SORT1: variants seen among roughly 807,000 people sequenced by gnomAD.
SORT1 encodes the protein sortilin.
A neutral mutation model predicts 101.7 loss-of-function variants in SORT1; 39 were observed. That is an observed-to-expected ratio of 0.38 (90% confidence interval 0.30 to 0.50). The LOEUF is 0.50. Ranked by LOEUF, SORT1 falls within the 20% of genes least tolerant of loss-of-function variation. The pLI, the probability that SORT1 is intolerant of heterozygous loss-of-function variation, is 0.90. For missense variants in SORT1, 878 were observed against 1,040.4 expected (o/e 0.84, Z 2.15); for synonymous variants, 396 against 393.7 (o/e 1.01, Z -0.07).
chr1:109,379,405 C>T lies in SORT1; in HGVS notation c.307-9816G>A, dbSNP rs919189706. Among the ~76,000 whole-genome samples the T allele has an allele frequency of 5.1e-4, 77 of 152,182 alleles. 1 individual carries two copies. The highest frequency in any genetic ancestry group is 1.4e-3 in the African/African-American group (60 of 41,534). Reference sequence around the variant, plus strand: ...GCCACCCTGGGCCACATGTGGCCCACGGGCTGTGGGTTGGACAAGCTTCAT... The same window carrying T: ...GCCACCCTGGGCCACATGTGGCCCATGGGCTGTGGGTTGGACAAGCTTCAT... On this transcript the variant is annotated intron_variant, in intron 1 of 19. Coordinates refer to ENST00000256637, the MANE Select transcript of SORT1 (RefSeq NM_002959.7).
intron 11 of SORT1, among the ~76,000 whole-genome samples, chr1:109,335,931 C>T (rs1241551862): frequency 6.6e-6 from 1 of 152,246 alleles, no homozygotes; most frequent in Non-Finnish European, 1.5e-5. Flanking sequence ...AGTCTCCCAG[C>T]TGCCAAGCTG....
In SORT1 at chr1:109,312,869, T is replaced by C. The variant is rs1296717698; in HGVS notation, c.*1174A>G. 6.6e-6 allele frequency: 1 copy of C among 152,192 alleles called. No homozygotes were observed. The highest frequency in any genetic ancestry group is 2.4e-5 in the African/African-American group (1 of 41,452). 9.4% of individuals were successfully genotyped at this position (152,192 alleles called of 1,614,324 possible). On this transcript the variant is annotated 3_prime_UTR_variant, in exon 20 of 20. Transcript: ENST00000256637. The stretch of plus-strand genomic sequence containing the variant: ...ATCTAGACTGGAAGTGTGTTTTCAA[T>C]TGGTTCCTCCAAAATTTTCGTGTCA...
At chr1:109,330,316 T>C (rs1648377504) in intron 11 of SORT1, among the ~76,000 whole-genome samples, 1 of 152,120 alleles carries the variant, frequency 6.6e-6, no homozygotes, top group Non-Finnish European at 1.5e-5. Flanking sequence ...AACTACAACA[T>C]TATGAAACTA....
intron 5 of SORT1, among the ~76,000 whole-genome samples, chr1:109,352,262 C>A (rs560612255): frequency 2.6e-5 from 4 of 152,108 alleles, no homozygotes; most frequent in Admixed American, 6.6e-5. Flanking sequence ...ATTTGAAAAT[C>A]TTATACATTA....
At chr1:109,376,139 G>C (rs1463794265) in intron 1 of SORT1, among the ~76,000 whole-genome samples, 1 of 152,090 alleles carries the variant, frequency 6.6e-6, no homozygotes, top group Non-Finnish European at 1.5e-5. Context: ...TCAGGAGATC[G>C]AGACTACGGT....
At chr1:109,363,508 T>C (rs1039267124) in intron 3 of SORT1, among the ~76,000 whole-genome samples, 3 of 152,164 alleles carry the variant, frequency 2.0e-5, no homozygotes, top group Non-Finnish European at 4.4e-5. Flanking sequence ...CACATATACA[T>C]ACATACACAT....
At chr1:109,360,189 G>C (rs1488665907) in intron 3 of SORT1, among the ~76,000 whole-genome samples, 3 of 152,136 alleles carry the variant, frequency 2.0e-5, no homozygotes, top group Non-Finnish European at 4.4e-5. Flanking sequence ...ACAAAATTTA[G>C]TTGAGCATGG....
intron 6 of SORT1, 96 bp downstream of exon 6, chr1:109,350,833 C>A: frequency 1.2e-6 from 1 of 855,256 alleles, no homozygotes; most frequent in Non-Finnish European, 2.0e-6. Flanking sequence ...GAGTACTTGG[C>A]ACACAGTAAG....
chr1:109,342,905 A>G (rs1649324152), intron 8 of SORT1, among the ~76,000 whole-genome samples: 1 of 152,130 alleles, frequency 6.6e-6, no homozygotes, highest in Non-Finnish European at 1.5e-5. Context: ...TCCTTAGATT[A>G]AATACTCTTT....
chr1:109,355,346 G>A, intron 4 of SORT1, 21 bp downstream of exon 4: 1 of 1,210,092 alleles, frequency 8.3e-7, no homozygotes, highest in East Asian at 2.3e-5. Context: ...CAAGCTTTAT[G>A]TATACAAGAA....
intron 11 of SORT1, among the ~76,000 whole-genome samples, chr1:109,334,505 T>C (rs1291791755): frequency 6.6e-6 from 1 of 151,628 alleles, no homozygotes; most frequent in Non-Finnish European, 1.5e-5. Context: ...AAGCAGGGAG[T>C]AGAATGGTGG....
chr1:109,344,072 C>T (rs1305679862), intron 8 of SORT1, among the ~76,000 whole-genome samples: 2 of 152,204 alleles, frequency 1.3e-5, no homozygotes, highest in Non-Finnish European at 2.9e-5. Context: ...CTTGATTCCA[C>T]TCATTCTCTC....
At chr1:109,374,495 G>C (rs1651693345) in intron 1 of SORT1, among the ~76,000 whole-genome samples, 1 of 152,092 alleles carries the variant, frequency 6.6e-6, no homozygotes, top group Non-Finnish European at 1.5e-5. Flanking sequence ...AGAGGCTGAG[G>C]GAGGAGAATC....
intron 8 of SORT1, among the ~76,000 whole-genome samples, chr1:109,342,548 A>G (rs1326764565): frequency 1.3e-5 from 2 of 152,210 alleles, no homozygotes; most frequent in Non-Finnish European, 2.9e-5. Context: ...ACTACTGCAT[A>G]AAAGTTTGGT....
intron 2 of SORT1, 118 bp from the exon 3 acceptor site, chr1:109,367,599 C>T: frequency 1.6e-6 from 1 of 619,974 alleles, no homozygotes; most frequent in Non-Finnish European, 2.8e-6. Flanking sequence ...TGTAGTACTC[C>T]CCAAAGTCTA....
chr1:109,326,494 C>T lies in SORT1; in HGVS notation c.1643+498G>A, dbSNP rs1443936185. ...ACACACACACACACACATATATATA[C>T]ACACATATATACACACATACACATA... On this transcript the variant is annotated intron_variant, in intron 13 of 19. Transcript: ENST00000256637. Among the ~76,000 whole-genome samples, 11 of 64,458 alleles carry T rather than the reference C, an allele frequency of 1.7e-4. No individual in the cohort carries two copies. In the East Asian group the frequency reaches 8.5e-3, roughly 50 times the overall value. The allele number at this position is 64,458 out of a possible 152,430, so 42.3% of individuals were successfully genotyped here.
In SORT1 at chr1:109,340,519, TG is replaced by T. The variant is rs554547684; in HGVS notation, c.1264+204del. 7.2e-5 allele frequency among the ~76,000 whole-genome samples: 11 copies of T among 152,162 alleles called. No homozygotes were observed. The East Asian group carries it at 2.1e-3, about 29-fold the overall frequency. On this transcript the variant is annotated intron_variant, in intron 10 of 19. Transcript: ENST00000256637. ...ACATTGTGACTGTGCTTAATGCTACTGAATTGTACCCTATACAATGTTAAAA... is the reference window on the plus strand; with the variant it reads ...ACATTGTGACTGTGCTTAATGCTACTAATTGTACCCTATACAATGTTAAAA...
intron 1 of SORT1, chr1:109,393,104 C>T (rs1248005037): frequency 1.0e-6 from 1 of 985,334 alleles, no homozygotes; most frequent in African/African-American, 1.7e-5. Flanking sequence ...CTCCCTGAAG[C>T]CTCTGACAGG....
intron 3 of SORT1, among the ~76,000 whole-genome samples, chr1:109,366,203 ACT>A (rs1557813541): frequency 6.6e-6 from 1 of 152,098 alleles, no homozygotes; most frequent in African/African-American, 2.4e-5. Context: ...TGAGAAGACA[ACT>A]CTAAAACTTC....
Sources: gnomAD v4.1 joint callset for allele counts (sites outside exome capture counted in the v4.1 genomes callset) on GRCh38, gnomAD v4.1.1 for gene constraint, MANE v1.5 for transcripts, NCBI Gene and HGNC (gene_info 2026-07-23, HGNC 2026-07-21) for gene names.